NBAS: variants seen among roughly 807,000 people sequenced by gnomAD.
NBAS encodes NBAS subunit of NRZ tethering complex.
In NBAS, 219 loss-of-function variants were observed where a neutral mutation model predicts 302.5. The ratio of observed to expected loss-of-function variants is 0.72; its 90% CI spans 0.65 to 0.81. The LOEUF (loss-of-function observed/expected upper bound fraction) is 0.81, where lower values mean the gene tolerates loss of function less well. Ranked by LOEUF, NBAS falls within the 30% of genes least tolerant of loss-of-function variation. NBAS has a pLI of 0.00. For missense variants in NBAS, 2,932 were observed against 2,841.6 expected, an observed-to-expected ratio of 1.03 and a Z score of -0.72; for synonymous variants, 1,118 against 1,021.6, an observed-to-expected ratio of 1.09 and a Z score of -1.80.
intron 44 of NBAS, among the ~76,000 whole-genome samples, chr2:15,269,087 C>G (rs1460850006): frequency 6.6e-6 from 1 of 152,108 alleles, no homozygotes; most frequent in Non-Finnish European, 1.5e-5. Context: ...AGTGGGAAAC[C>G]TGCCTGGGAA....
At chr2:15,120,323 G>C in the NBAS span, among the ~76,000 whole-genome samples, 8 of 152,096 alleles carry the variant, frequency 5.3e-5, no homozygotes, top group Admixed American at 2.0e-4. Flanking sequence ...AACCTACAAT[G>C]TGGATATCGT....
chr2:14,979,759 T>C, the NBAS span, among the ~76,000 whole-genome samples: 8 of 152,048 alleles, frequency 5.3e-5, no homozygotes. Flanking sequence ...AGTTTTACAA[T>C]AAATACAGAT....
At chr2:15,227,079 A>T (rs79713359) in intron 47 of NBAS, among the ~76,000 whole-genome samples, 3,551 of 152,218 alleles carry the variant, frequency 0.023, 76 homozygotes, top group African/African-American at 0.056. Flanking sequence ...TGTTCCTTCC[A>T]TATTTAGCTT....
chr2:14,844,267 G>C, the NBAS span, among the ~76,000 whole-genome samples: 1 of 152,142 alleles, frequency 6.6e-6, no homozygotes, highest in Admixed American at 6.5e-5. Flanking sequence ...GTTCCAGGCC[G>C]TAGCTCCCAG....
chr2:15,411,496 A>T (rs1352924076), intron 25 of NBAS, among the ~76,000 whole-genome samples: 1 of 152,176 alleles, frequency 6.6e-6, no homozygotes, highest in Non-Finnish European at 1.5e-5. Context: ...ATTTCTAGTC[A>T]ATGATATTGC....
At chr2:15,185,569 G>T (rs947068995) in intron 50 of NBAS, among the ~76,000 whole-genome samples, 3 of 152,138 alleles carry the variant, frequency 2.0e-5, no homozygotes, top group African/African-American at 7.2e-5. Flanking sequence ...ATATAGCCAT[G>T]GTTCCCCCTC....
At chr2:15,512,847 G>A (rs1662208890) in intron 9 of NBAS, among the ~76,000 whole-genome samples, 1 of 152,144 alleles carries the variant, frequency 6.6e-6, no homozygotes, top group African/African-American at 2.4e-5. Context: ...GGGTAAGTTT[G>A]TGTTATGTCA....
the NBAS span, among the ~76,000 whole-genome samples, chr2:14,974,525 A>C: frequency 6.6e-6 from 1 of 152,334 alleles, no homozygotes; most frequent in African/African-American, 2.4e-5. Context: ...CTAGGTCAAC[A>C]GTTTCTGTCA....
the NBAS span, among the ~76,000 whole-genome samples, chr2:15,085,440 C>A: frequency 2.0e-5 from 3 of 152,138 alleles, no homozygotes. Context: ...ATCCCCTCAG[C>A]CCAGGGCCAC....
At chr2:15,534,731 A>T in intron 8 of NBAS, 90 bp from the exon 9 acceptor site, 1 of 975,378 alleles carries the variant, frequency 1.0e-6, no homozygotes, top group Non-Finnish European at 1.7e-6. Flanking sequence ...AATTTAAAAG[A>T]CAGACAATAC....
Position 15,415,703 on chromosome 2 carries a change from T to A in NBAS, c.2780A>T (p.Tyr927Phe), listed in dbSNP as rs1264436759. 12 of 1,614,170 alleles carry A rather than the reference T, an allele frequency of 7.4e-6. No homozygotes were observed. Among genetic ancestry groups the A allele is most frequent in the Non-Finnish European group, 9.3e-6 (11 of 1,180,020 alleles). The change falls in exon 25 of 52, where the codon TAT becomes TTT. Residue 927 changes from tyrosine (Y) to phenylalanine (F), a missense_variant. Coordinates refer to ENST00000281513, the MANE Select transcript of NBAS (RefSeq NM_015909.4). ...LLMNSCSEDK[Y>F]VTSAYQWMVP... ...CATCCACTGGTAGGCACTTGTCACATATTTATCCTCAGAACACTGAAAGTA... is the reference window on the plus strand; with the variant it reads ...CATCCACTGGTAGGCACTTGTCACAAATTTATCCTCAGAACACTGAAAGTA...
chr2:15,445,910 T>A (rs1275677256), intron 21 of NBAS, among the ~76,000 whole-genome samples: 1 of 148,144 alleles, frequency 6.8e-6, no homozygotes, highest in African/African-American at 2.5e-5. Flanking sequence ...TCTCGGAGAT[T>A]AAAAAAAAAA....
At chr2:15,309,020 AATAAATAC>A (rs1426017718) in intron 39 of NBAS, 143 bp downstream of exon 39, 4 of 326,678 alleles carry the variant, frequency 1.2e-5, no homozygotes, top group African/African-American at 9.1e-5. Context: ...AAAGTATAAT[AATAAATAC>A]ATAAATAAAT....
At chr2:15,281,543 TA>T (rs761518018) in intron 42 of NBAS, among the ~76,000 whole-genome samples, 47 of 152,222 alleles carry the variant, frequency 3.1e-4, no homozygotes, top group Non-Finnish European at 5.6e-4. Flanking sequence ...TAATAGCTAC[TA>T]TTTTTTTTAA....
chr2:15,433,016 A>G (rs995487013), intron 21 of NBAS, among the ~76,000 whole-genome samples: 2 of 152,186 alleles, frequency 1.3e-5, no homozygotes, highest in Admixed American at 1.3e-4. Flanking sequence ...GAGTGAAAAC[A>G]ACAGCACTCT....
At chr2:15,538,779 TAAAA>T (rs1474074345) in intron 7 of NBAS, among the ~76,000 whole-genome samples, 1 of 152,196 alleles carries the variant, frequency 6.6e-6, no homozygotes, top group Non-Finnish European at 1.5e-5. Context: ...GTTATGAATA[TAAAA>T]TCATAATATA....
chr2:14,878,536 C>T, the NBAS span, among the ~76,000 whole-genome samples: 1 of 152,178 alleles, frequency 6.6e-6, no homozygotes, highest in Non-Finnish European at 1.5e-5. Flanking sequence ...GCATCCAATA[C>T]TCCTGGAAGC....
Position 15,276,905 on chromosome 2 carries a change from T to G in NBAS, c.5335A>C (p.Ile1779Leu). The change falls in exon 43 of 52, where the codon ATT becomes CTT. Residue 1779 changes from isoleucine (I) to leucine (L), a missense_variant. Transcript: ENST00000281513. ...CGCADLGNCAIKPETHIRLLK... is the reference protein window; with the variant it reads ...CGCADLGNCALKPETHIRLLK... ...AGTCGAATGTGGGTTTCTGGTTTAA[T>G]GGCACAGTTCCCCAAATCTGCACAG... 18 of 1,614,088 alleles carry G rather than the reference T, an allele frequency of 1.1e-5. No individual in the cohort carries two copies. Among genetic ancestry groups the G allele is most frequent in the Non-Finnish European group, 1.5e-5 (18 of 1,179,980 alleles).
intron 9 of NBAS, 127 bp from the exon 10 acceptor site, chr2:15,511,477 G>T (rs1279291646): frequency 1.2e-6 from 1 of 813,664 alleles, no homozygotes; most frequent in Non-Finnish European, 2.0e-6. Context: ...GTTAAACCTA[G>T]AAGGTAAATA....
Sources: gnomAD v4.1 joint callset for allele counts (sites outside exome capture counted in the v4.1 genomes callset) on GRCh38, gnomAD v4.1.1 for gene constraint, MANE v1.5 for transcripts, NCBI Gene and HGNC (gene_info 2026-07-23, HGNC 2026-07-21) for gene names.